Variants in GALK2 observed in about 807,000 individuals in gnomAD.
GALK2 encodes galactokinase 2.
A neutral mutation model predicts 52.4 loss-of-function variants in GALK2; 36 were observed. The observed-to-expected ratio is 0.69, with a 90% CI of 0.53 to 0.91. The LOEUF is 0.91. GALK2 is among the 40% of genes least tolerant of loss of function. The pLI, the probability that GALK2 is intolerant of heterozygous loss-of-function variation, is 0.00. For synonymous variants in GALK2, 176 were observed against 199.1 expected (o/e 0.88, Z 0.98); for missense variants, 579 against 559.1 (o/e 1.04, Z -0.36).
upstream of GALK2, among the ~76,000 whole-genome samples, chr15:49,165,364 C>G (rs919972993): frequency 2.0e-5 from 3 of 152,176 alleles, no homozygotes; most frequent in Admixed American, 6.5e-5. Flanking sequence ...GAATTTCAGA[C>G]TTGCCTAGGG....
At chr15:49,289,857 C>T (rs2033760118) in intron 7 of GALK2, among the ~76,000 whole-genome samples, 1 of 152,154 alleles carries the variant, frequency 6.6e-6, no homozygotes, top group Admixed American at 6.5e-5. Context: ...GTTTTAGCAC[C>T]ATTTATCAGT....
chr15:49,199,562 C>T (rs1380841335), intron 1 of GALK2, among the ~76,000 whole-genome samples: 1 of 152,164 alleles, frequency 6.6e-6, no homozygotes, highest in African/African-American at 2.4e-5. Context: ...AACAAGTGAC[C>T]TTATTTTTAC....
At chr15:49,201,053 A>AGTGTGTGT (rs10629223) in intron 1 of GALK2, 109 bp from the exon 2 acceptor site, 956 of 400,802 alleles carry the variant, frequency 2.4e-3, no homozygotes, top group African/African-American at 8.2e-3. Flanking sequence ...AGGCATATGG[A>AGTGTGTGT]GTGTGTGTGT....
At chr15:49,186,542 CTT>C (rs71299506) in intron 1 of GALK2, among the ~76,000 whole-genome samples, 7 of 131,064 alleles carry the variant, frequency 5.3e-5, no homozygotes, top group Non-Finnish European at 3.3e-5. Flanking sequence ...GAATTTTTTT[CTT>C]TTTTTTTTTT....
chr15:49,274,580 C>T (rs564780673), intron 5 of GALK2, among the ~76,000 whole-genome samples: 5 of 152,004 alleles, frequency 3.3e-5, no homozygotes, highest in Non-Finnish European at 7.4e-5. Context: ...AAAATGTTTT[C>T]CTTCAGTAAT....
chr15:49,227,859 T>G (rs2090223035), intron 3 of GALK2, among the ~76,000 whole-genome samples: 1 of 152,156 alleles, frequency 6.6e-6, no homozygotes, highest in Non-Finnish European at 1.5e-5. Flanking sequence ...ATATTATCCC[T>G]TTGCTTCCAG....
chr15:49,247,317 A>G (rs1406552831), intron 5 of GALK2, among the ~76,000 whole-genome samples: 1 of 152,160 alleles, frequency 6.6e-6, no homozygotes, highest in Non-Finnish European at 1.5e-5. Context: ...AGCGTAATGG[A>G]AAACCTTTGG....
chr15:49,326,467 G>C (rs769918401), intron 9 of GALK2, among the ~76,000 whole-genome samples: 7 of 151,966 alleles, frequency 4.6e-5, no homozygotes, highest in Non-Finnish European at 8.8e-5. Context: ...GGTCAGGCTG[G>C]TCTCAAACTC....
At chr15:49,239,143 C>G (rs1022141677) in intron 4 of GALK2, 78 bp from the exon 5 acceptor site, 11 of 1,272,728 alleles carry the variant, frequency 8.6e-6, no homozygotes, top group East Asian at 2.3e-5. Flanking sequence ...CTTTTGTTCT[C>G]TGGGGAATGA....
intron 2 of GALK2, among the ~76,000 whole-genome samples, chr15:49,204,096 T>G (rs1029887011): frequency 1.9e-4 from 28 of 145,084 alleles, no homozygotes; most frequent in African/African-American, 6.5e-4. Context: ...CCAGCAGGAT[T>G]CTGTCTCAAA....
chr15:49,239,921 G>A (rs2091010264), intron 5 of GALK2, among the ~76,000 whole-genome samples: 1 of 152,224 alleles, frequency 6.6e-6, no homozygotes, highest in African/African-American at 2.4e-5. Context: ...GCAGTTTAGA[G>A]CAGGTGTGCT....
At position 49,216,266 on chromosome 15, in the gene GALK2, A is replaced by G. The variant is rs181661295; in HGVS notation, c.143-924A>G. ...TTTAGTGAGCAGGTGAATCCTGCCA[A>G]GACTGGGTTCTTCTCTTCAGGGCAG... On this transcript the variant is annotated intron_variant, in intron 2 of 9. Transcript: ENST00000560031. Among the ~76,000 whole-genome samples, 15 of 152,290 alleles carry G rather than the reference A, an allele frequency of 9.8e-5. No homozygotes were observed. The East Asian group carries it at 2.9e-3, about 29-fold the overall frequency.
chr15:49,166,441 G>A (rs1195350752), upstream of GALK2, among the ~76,000 whole-genome samples: 1 of 152,162 alleles, frequency 6.6e-6, no homozygotes, highest in East Asian at 1.9e-4. Context: ...ATAAGGGGCC[G>A]GGTGCAGTAG....
chr15:49,273,650 T>C (rs2031142665), intron 5 of GALK2, among the ~76,000 whole-genome samples: 1 of 152,150 alleles, frequency 6.6e-6, no homozygotes, highest in South Asian at 2.1e-4. Context: ...TCAGTCTCTT[T>C]TAGAGTTATC....
Position 49,185,442 on chromosome 15 carries a change from T to C in GALK2, c.53+15067T>C, listed in dbSNP as rs141494102. ...TGTGAATAGCACAGCAATGAACATA[T>C]GAGTACATTTGTCTTTTTGGTAGAA... On this transcript the variant is annotated intron_variant, in intron 1 of 9. Transcript: ENST00000560031. Among the ~76,000 whole-genome samples the C allele has an allele frequency of 5.6e-3, 854 of 152,340 alleles. 7 individuals carry two copies. Among genetic ancestry groups the C allele is most frequent in the African/African-American group, 0.02 (812 of 41,580 alleles).
chr15:49,346,126 C>A (rs1043242413), intron 3 of GALK2, among the ~76,000 whole-genome samples: 2 of 151,402 alleles, frequency 1.3e-5, no homozygotes, highest in Non-Finnish European at 2.9e-5. Flanking sequence ...TTACTGGCTG[C>A]TTGATAGATA....
chr15:49,200,602 G>A (rs1447099752), intron 1 of GALK2, among the ~76,000 whole-genome samples: 3 of 152,128 alleles, frequency 2.0e-5, no homozygotes, highest in East Asian at 1.9e-4. Flanking sequence ...AAGGATTGAC[G>A]GCTGCTACCA....
chr15:49,170,178 C>G, upstream of GALK2: 1 of 1,469,204 alleles, frequency 6.8e-7, no homozygotes, highest in East Asian at 2.5e-5. Flanking sequence ...GAAGCAGCCA[C>G]CTCAGCGAAG....
chr15:49,347,080 G>C (rs1408710195), intron 3 of GALK2, among the ~76,000 whole-genome samples: 2 of 152,114 alleles, frequency 1.3e-5, no homozygotes, highest in Non-Finnish European at 2.9e-5. Flanking sequence ...ATGTAAAATA[G>C]GATTGCAGTT....
Sources: gnomAD v4.1 joint callset for allele counts (sites outside exome capture counted in the v4.1 genomes callset) on GRCh38, gnomAD v4.1.1 for gene constraint, MANE v1.5 for transcripts, NCBI Gene and HGNC (gene_info 2026-07-23, HGNC 2026-07-21) for gene names.